ANKS1B: variants seen among roughly 807,000 people sequenced by gnomAD.
ANKS1B encodes the protein ankyrin repeat and sterile alpha motif domain-containing protein 1B.
In ANKS1B, 36 loss-of-function variants were observed where a neutral mutation model predicts 148.3. That is an observed-to-expected ratio of 0.24 (90% CI 0.19 to 0.32). The LOEUF is 0.32. ANKS1B is among the 10% of genes least tolerant of loss of function. The probability of loss-of-function intolerance (pLI) is 1.00; values close to 1 mark genes in which losing one functional copy is unlikely to be tolerated. For missense variants in ANKS1B, 1,157 were observed against 1,542.6 expected (o/e 0.75, Z 4.19); for synonymous variants, 542 against 560.8 (o/e 0.97, Z 0.47).
chr12:99,314,257 G>A (rs2083643001), intron 12 of ANKS1B, among the ~76,000 whole-genome samples: 1 of 152,168 alleles, frequency 6.6e-6, no homozygotes, highest in South Asian at 2.1e-4. Flanking sequence ...ACTGCTCAAG[G>A]AAATAAGAGA....
chr12:99,467,073 T>G (rs1402217776), intron 10 of ANKS1B, among the ~76,000 whole-genome samples: 1 of 152,108 alleles, frequency 6.6e-6, no homozygotes, highest in Non-Finnish European at 1.5e-5. Context: ...CAGCAGCACA[T>G]CAAAAATCTT....
At position 99,931,306 on chromosome 12, in the gene ANKS1B, C is replaced by T. The variant is rs1603464817; in HGVS notation, c.134+52798G>A. ...TGTATACATATGTAACAAACCTGCA[C>T]GTTGTGCACATGTACCCTAAAACTT... is the stretch of plus-strand genomic sequence containing the variant. On this transcript the variant is annotated intron_variant, in intron 1 of 26. Transcript: ENST00000683438. 5.9e-5 allele frequency among the ~76,000 whole-genome samples: 9 copies of T among 151,794 alleles called. No individual in the cohort carries two copies. In the South Asian group the frequency reaches 1.9e-3, roughly 32 times the overall value.
intron 14 of ANKS1B, among the ~76,000 whole-genome samples, chr12:99,241,269 C>T (rs535906331): frequency 6.6e-6 from 1 of 152,192 alleles, no homozygotes; most frequent in African/African-American, 2.4e-5. Flanking sequence ...ACTATAAACA[C>T]CTCTACGCAA....
chr12:99,735,615 A>C (rs1421831344), intron 8 of ANKS1B, among the ~76,000 whole-genome samples: 1 of 152,116 alleles, frequency 6.6e-6, no homozygotes, highest in Admixed American at 6.6e-5. Context: ...CTGAATCTGT[A>C]ATAAAAAGCC....
At chr12:99,120,334 G>A (rs1477257212) in intron 15 of ANKS1B, among the ~76,000 whole-genome samples, 1 of 152,166 alleles carries the variant, frequency 6.6e-6, no homozygotes, top group Non-Finnish European at 1.5e-5. Flanking sequence ...AGCATTACAG[G>A]AAATGGTGTA....
At chr12:99,639,527 C>G (rs1283963791) in intron 9 of ANKS1B, among the ~76,000 whole-genome samples, 4 of 152,116 alleles carry the variant, frequency 2.6e-5, no homozygotes, top group African/African-American at 9.7e-5. Flanking sequence ...CCACCAAAAT[C>G]TCATCGTGGA....
chr12:99,830,919 T>C (rs1163396233), intron 1 of ANKS1B, among the ~76,000 whole-genome samples: 1 of 152,204 alleles, frequency 6.6e-6, no homozygotes, highest in Non-Finnish European at 1.5e-5. Flanking sequence ...TCCTCAATCA[T>C]ATGGCTCAAT....
chr12:98,794,551 C>T (rs1419439514), intron 22 of ANKS1B: 27 of 696,290 alleles, frequency 3.9e-5, no homozygotes, highest in Admixed American at 7.3e-5. Flanking sequence ...GATGTTCATC[C>T]GCAATGATTG....
chr12:99,799,330 C>G (rs763485485), intron 4 of ANKS1B, among the ~76,000 whole-genome samples: 5 of 152,076 alleles, frequency 3.3e-5, no homozygotes, highest in Non-Finnish European at 5.9e-5. Flanking sequence ...GGCTTCATCT[C>G]TTACTCCTCT....
At chr12:99,125,708 A>G (rs2064128802) in intron 15 of ANKS1B, among the ~76,000 whole-genome samples, 1 of 152,198 alleles carries the variant, frequency 6.6e-6, no homozygotes. Flanking sequence ...AGGCTCAAGG[A>G]TAACTCCTAG....
chr12:99,260,250 G>A (rs2075782617), intron 12 of ANKS1B, among the ~76,000 whole-genome samples: 1 of 152,112 alleles, frequency 6.6e-6, no homozygotes, highest in African/African-American at 2.4e-5. Context: ...AAAAGAAAGT[G>A]ATTTTGTAAT....
chr12:98,741,904 C>T, downstream of ANKS1B, among the ~76,000 whole-genome samples: 1 of 152,192 alleles, frequency 6.6e-6, no homozygotes, highest in Non-Finnish European at 1.5e-5. Flanking sequence ...GGCAGGCAGG[C>T]TCCCTGGGGA....
intron 17 of ANKS1B, among the ~76,000 whole-genome samples, chr12:98,942,314 T>C (rs1567914310): frequency 6.6e-6 from 1 of 152,078 alleles, no homozygotes; most frequent in Non-Finnish European, 1.5e-5. Context: ...TATATGACTT[T>C]TGTGAATGGC....
chr12:99,046,807 T>TAAAAAAAAA (rs1265969829), intron 17 of ANKS1B, among the ~76,000 whole-genome samples: 2 of 80,544 alleles, frequency 2.5e-5, no homozygotes. Flanking sequence ...GACTCTGTCT[T>TAAAAAAAAA]AAAAAAAAAG....
intron 4 of ANKS1B, among the ~76,000 whole-genome samples, chr12:99,805,163 G>C (rs1380556936): frequency 6.7e-6 from 1 of 148,188 alleles, no homozygotes; most frequent in Non-Finnish European, 1.5e-5. Flanking sequence ...CTAATAAGGG[G>C]AGAAGGTCAC....
chr12:99,214,695 G>A lies in ANKS1B; in HGVS notation c.2419+29647C>T, dbSNP rs557380408. 5.9e-5 allele frequency among the ~76,000 whole-genome samples: 9 copies of A among 152,262 alleles called. No homozygotes were observed. The East Asian group carries it at 1.7e-3, about 29-fold the overall frequency. On this transcript the variant is annotated intron_variant, in intron 14 of 26. Coordinates refer to ENST00000683438, the MANE Select transcript of ANKS1B (RefSeq NM_001352186.2). ...AGAGTAAACTGGTACCAGTAGAGTG[G>A]GGTACTGCTATTAAGACACCTAAAA...
chr12:99,369,795 C>T (rs201681756), intron 12 of ANKS1B, among the ~76,000 whole-genome samples: 79 of 91,152 alleles, frequency 8.7e-4, no homozygotes, highest in South Asian at 3.8e-3. Context: ...GATAGATGGA[C>T]GGACGGACAG....
intron 17 of ANKS1B, among the ~76,000 whole-genome samples, chr12:98,875,400 G>A (rs1435234007): frequency 6.6e-6 from 1 of 152,142 alleles, no homozygotes; most frequent in Non-Finnish European, 1.5e-5. Flanking sequence ...AAGCCCTTGA[G>A]GATCTGGTCC....
Position 98,801,293 on chromosome 12 carries a change from A to G in ANKS1B, c.3142-168T>C, listed in dbSNP as rs2099003245. Among the ~76,000 whole-genome samples, 1 of 152,218 alleles carries G rather than the reference A, an allele frequency of 6.6e-6. No homozygotes were observed. The highest frequency in any genetic ancestry group is 1.5e-5 in the Non-Finnish European group (1 of 68,042). On this transcript the variant is annotated intron_variant, in intron 20 of 26. Coordinates refer to ENST00000683438, the MANE Select transcript of ANKS1B (RefSeq NM_001352186.2). The surrounding 1 kb of genome is among the most constrained non-coding windows in gnomAD (Gnocchi z 5.2). ...TTATTACATTTTTATATGTATTAGCATATCTCTCAAGGCTGAGTTAATTTT... is the reference window on the plus strand; with the variant it reads ...TTATTACATTTTTATATGTATTAGCGTATCTCTCAAGGCTGAGTTAATTTT...
Sources: gnomAD v4.1 joint callset for allele counts (sites outside exome capture counted in the v4.1 genomes callset) on GRCh38, gnomAD v4.1.1 for gene constraint, Gnocchi (gnomAD v3.1) non-coding constraint, MANE v1.5 for transcripts, NCBI Gene and HGNC (gene_info 2026-07-23, HGNC 2026-07-21) for gene names.